The following ROBO2 variants were observed in gnomAD, a reference collection of about 807,000 sequenced individuals.
ROBO2 encodes roundabout homolog 2.
In ROBO2, 53 loss-of-function variants were observed where a neutral mutation model predicts 160.8. The ratio of observed to expected loss-of-function variants is 0.33; its 90% CI spans 0.26 to 0.41. ROBO2 has a LOEUF of 0.41. ROBO2 is among the 10% of genes least tolerant of loss of function. ROBO2 has a pLI of 1.00. For synonymous variants in ROBO2, 664 were observed against 611.7 expected, an observed-to-expected ratio of 1.09 and a Z score of -1.26; for missense variants, 1,577 against 1,722.4, an observed-to-expected ratio of 0.92 and a Z score of 1.49.
At chr3:76,824,721 T>C (rs1010379999) in intron 2 of ROBO2, among the ~76,000 whole-genome samples, 2 of 152,046 alleles carry the variant, frequency 1.3e-5, no homozygotes, top group African/African-American at 4.8e-5. Flanking sequence ...TCCAAAGAAT[T>C]CAGGAATAGC....
At chr3:76,393,782 A>G (rs2077276286) in intron 2 of ROBO2, among the ~76,000 whole-genome samples, 1 of 152,162 alleles carries the variant, frequency 6.6e-6, no homozygotes, top group Admixed American at 6.6e-5. Flanking sequence ...TTTAGGACTC[A>G]TGTCAGTTCC....
At chr3:76,382,588 AAAAC>A (rs570481949) in intron 2 of ROBO2, among the ~76,000 whole-genome samples, 1 of 152,254 alleles carries the variant, frequency 6.6e-6, no homozygotes, top group Non-Finnish European at 1.5e-5. Context: ...CTCCGTCTCA[AAAAC>A]AAACAAACAA....
chr3:76,739,388 C>G (rs1221330828), intron 2 of ROBO2, among the ~76,000 whole-genome samples: 1 of 151,206 alleles, frequency 6.6e-6, no homozygotes, highest in Admixed American at 6.6e-5. Flanking sequence ...GGACAAAAAA[C>G]CAAACACTGC....
intron 2 of ROBO2, among the ~76,000 whole-genome samples, chr3:76,023,688 A>G (rs1308870572): frequency 6.6e-6 from 1 of 151,644 alleles, no homozygotes. Flanking sequence ...AAATATAACC[A>G]TAACAATATA....
At chr3:76,549,284 C>A (rs2083284477) in intron 2 of ROBO2, among the ~76,000 whole-genome samples, 4 of 152,142 alleles carry the variant, frequency 2.6e-5, no homozygotes, top group African/African-American at 9.7e-5. Context: ...AATATGAACT[C>A]TTTTCCCCAA....
chr3:77,279,235 A>G (rs2060089086), intron 2 of ROBO2, among the ~76,000 whole-genome samples: 2 of 152,072 alleles, frequency 1.3e-5, no homozygotes, highest in African/African-American at 4.8e-5. Context: ...ATATTTTCTG[A>G]ATATAATTGC....
intron 2 of ROBO2, among the ~76,000 whole-genome samples, chr3:76,698,464 A>G (rs2092979334): frequency 6.6e-6 from 1 of 152,108 alleles, no homozygotes. Flanking sequence ...TTCAAGACCA[A>G]TTTCAAGCTA....
chr3:76,090,109 T>G (rs58163092), intron 2 of ROBO2, among the ~76,000 whole-genome samples: 3,861 of 152,230 alleles, frequency 0.025, 163 homozygotes, highest in African/African-American at 0.087. Flanking sequence ...TAGGTATAAA[T>G]CTAACAAAAT....
At chr3:76,716,159 A>G (rs1241390155) in intron 2 of ROBO2, among the ~76,000 whole-genome samples, 1 of 152,224 alleles carries the variant, frequency 6.6e-6, no homozygotes, top group Non-Finnish European at 1.5e-5. Context: ...CCATAAATAT[A>G]TGCAGTTGAT....
intron 2 of ROBO2, among the ~76,000 whole-genome samples, chr3:75,950,868 A>G (rs1948509244): frequency 6.6e-6 from 1 of 152,092 alleles, no homozygotes; most frequent in African/African-American, 2.4e-5. Flanking sequence ...TGGTTCCCAC[A>G]TTGCGTCCTG....
At chr3:77,475,703 G>A (rs930863336) in intron 2 of ROBO2, among the ~76,000 whole-genome samples, 1 of 152,186 alleles carries the variant, frequency 6.6e-6, no homozygotes, top group Admixed American at 6.5e-5. Flanking sequence ...CAGCTGTTCT[G>A]TATTTAGAAT....
intron 2 of ROBO2, among the ~76,000 whole-genome samples, chr3:76,747,432 G>T (rs952674115): frequency 6.6e-6 from 1 of 151,822 alleles, no homozygotes; most frequent in African/African-American, 2.4e-5. Flanking sequence ...TAAATAAACT[G>T]TATATTTTGT....
chr3:76,349,699 G>C (rs2074755110), intron 2 of ROBO2, among the ~76,000 whole-genome samples: 1 of 152,034 alleles, frequency 6.6e-6, no homozygotes, highest in Admixed American at 6.6e-5. Context: ...CTGGCAGAAG[G>C]CATGAGACTC....
chr3:77,407,049 C>A (rs2076312506), intron 2 of ROBO2, among the ~76,000 whole-genome samples: 1 of 152,088 alleles, frequency 6.6e-6, no homozygotes, highest in Admixed American at 6.6e-5. Flanking sequence ...TGGTCTTAAA[C>A]TCCTGGGCTC....
At chr3:76,233,892 G>A (rs1704776101) in intron 2 of ROBO2, among the ~76,000 whole-genome samples, 1 of 152,128 alleles carries the variant, frequency 6.6e-6, no homozygotes, top group African/African-American at 2.4e-5. Context: ...TGTTGTAGGG[G>A]CTTGCTGTAC....
chr3:76,829,324 C>T (rs2109287375), intron 2 of ROBO2, among the ~76,000 whole-genome samples: 1 of 152,276 alleles, frequency 6.6e-6, no homozygotes, highest in Admixed American at 6.5e-5. Context: ...TAGTTGATCT[C>T]CTAGTAGCAT....
At chr3:77,557,276 GATAAAT>G (rs1169060066) in intron 8 of ROBO2, among the ~76,000 whole-genome samples, 2 of 151,866 alleles carry the variant, frequency 1.3e-5, no homozygotes, top group Non-Finnish European at 2.9e-5. Context: ...TTTGTCATAT[GATAAAT>G]ATAATCTAGA....
At chr3:77,519,059 G>A (rs1429791180) in intron 5 of ROBO2, among the ~76,000 whole-genome samples, 1 of 151,402 alleles carries the variant, frequency 6.6e-6, no homozygotes, top group African/African-American at 2.4e-5. Flanking sequence ...CAGTCTCTTT[G>A]AAAGGTAGTC....
At chr3:76,555,406 AAG>A (rs1560141250) in intron 2 of ROBO2, among the ~76,000 whole-genome samples, 30 of 72,682 alleles carry the variant, frequency 4.1e-4, no homozygotes, top group African/African-American at 8.3e-4. Flanking sequence ...GAAGAAGAAG[AAG>A]AAGAAGAAGA....
Sources: allele counts gnomAD v4.1 joint callset (sites outside exome capture counted in the v4.1 genomes callset), GRCh38; gene constraint gnomAD v4.1.1; transcripts MANE v1.5; gene names NCBI Gene and HGNC (gene_info 2026-07-23, HGNC 2026-07-21).